Variants in GDPD2 observed in about 807,000 individuals in gnomAD.
GDPD2 encodes glycerophosphodiester phosphodiesterase domain containing 2, also known as glycerophosphodiester phosphodiesterase 3.
GDPD2 carries 23 observed loss-of-function variants against 49.2 expected under a neutral mutation model. That is an observed-to-expected ratio of 0.47 (90% confidence interval 0.34 to 0.66). GDPD2 has a LOEUF of 0.66. GDPD2 is among the 30% of genes least tolerant of loss of function. The pLI is 0.01. For missense variants in GDPD2, 338 were observed against 424.7 expected (o/e 0.80, Z 1.79); for synonymous variants, 167 against 171.4 (o/e 0.97, Z 0.20).
Position 70,425,354 on chromosome X carries a change from T to C in GDPD2, c.106T>C (p.Cys36Arg). ...GAGTTTCTCTCCTGCCCCTTTGCAG[T>C]GCGACTGTATCTGGTTTGGCCTGCT... The part of the protein sequence containing the change: ...CPRERMQTSK[C>R]DCIWFGLLFL... Residue 36 changes from cysteine to arginine, a missense_variant and splice_region_variant, in exon 3 of 16, where the codon TGC becomes CGC. By Grantham distance (180) the Cys-to-Arg change is radical. Transcript: ENST00000374382. The C allele has an allele frequency of 8.5e-7, 1 of 1,173,309 alleles. No homozygotes were observed. Among genetic ancestry groups the C allele is most frequent in the Non-Finnish European group, 1.2e-6 (1 of 860,145 alleles).
chrX:70,428,362 C>A (rs1602837776), intron 10 of GDPD2, among the ~76,000 whole-genome samples: 1 of 112,133 alleles, frequency 8.9e-6, no homozygotes, highest in East Asian at 2.8e-4. Flanking sequence ...ACACTTAAGG[C>A]AGGCTAGGTT....
intron 2 of GDPD2, 65 bp downstream of exon 2, chrX:70,425,154 GA>G: frequency 4.9e-6 from 4 of 810,139 alleles, no homozygotes; most frequent in Non-Finnish European, 7.3e-6. Context: ...AGGGGATAAG[GA>G]GGCCAATTGT....
In GDPD2 at chrX:70,426,072, G is replaced by A. The variant is rs1226565581; in HGVS notation, c.324G>A (p.Arg108=). Residue 108 remains arginine (R), a synonymous_variant, in exon 5 of 16, where the codon CGG becomes CGA. Transcript: ENST00000374382. The part of the protein sequence containing the change: ...SLLLVLALLL[R]LCRQPLHLHS... ...TCTAGGTCCTGGCCCTGCTCCTGCG[G>A]CTTTGTAGACAGCCCCTGCATCTGC... The A allele has an allele frequency of 8.3e-7, 1 of 1,209,453 alleles. No individual in the cohort carries two copies. The highest frequency in any genetic ancestry group is 1.7e-5 in the African/African-American group (1 of 57,820).
intron 12 of GDPD2, among the ~76,000 whole-genome samples, chrX:70,431,324 C>A (rs1374172932): frequency 8.9e-6 from 1 of 112,175 alleles, no homozygotes; most frequent in East Asian, 2.8e-4. Flanking sequence ...AAAGATAGGC[C>A]AAATCTAGCA....
chrX:70,430,341 G>A, intron 12 of GDPD2, among the ~76,000 whole-genome samples: 1 of 112,272 alleles, frequency 8.9e-6, no homozygotes, highest in Middle Eastern at 4.6e-3. Flanking sequence ...GTGTTATGAA[G>A]ACAAAACAGA....
chrX:70,432,340 AT>A lies in GDPD2; in HGVS notation c.1344del (p.Phe448LeufsTer2). 3 of 1,205,960 alleles carry A rather than the reference AT, an allele frequency of 2.5e-6. No homozygotes were observed. The highest frequency in any genetic ancestry group is 3.4e-6 in the Non-Finnish European group (3 of 891,170). ...ATAAGGATAATGTCTCGGTGAACCT[AT>A]TTGTAGTGAACAAGCCCTGGCTCTT... ...LHKDNVSVNLFVVNKPWLFSL... is the reference protein window; with the variant it reads ...LHKDNVSVNLXVVNKPWLFSL... On this transcript the variant is annotated frameshift_variant, in exon 13 of 16. Transcript: ENST00000374382. LOFTEE classifies it high-confidence loss of function.
chrX:70,431,712 C>T (rs1361702064), intron 12 of GDPD2, among the ~76,000 whole-genome samples: 2 of 111,815 alleles, frequency 1.8e-5, no homozygotes, highest in Admixed American at 9.4e-5. Context: ...AGCAAAACCC[C>T]GTCTCTATAA....
chrX:70,432,617 T>C lies in GDPD2; in HGVS notation c.1494T>C (p.Asn498=). Residue 498 remains asparagine (N), a synonymous_variant, in exon 14 of 16, where the codon AAT becomes AAC. Transcript: ENST00000374382. ...QTYLIIWVIT[N]CVSTMLLLWT... ...ACCTAATCATATGGGTCATTACCAA[T>C]TGTGTTTCCACCATGCTGCTTTTGT... The C allele has an allele frequency of 1.7e-6, 2 of 1,206,763 alleles. No homozygotes were observed. Among genetic ancestry groups the C allele is most frequent in the Non-Finnish European group, 2.2e-6 (2 of 891,043 alleles).
intron 12 of GDPD2, among the ~76,000 whole-genome samples, chrX:70,431,371 A>G (rs1014072493): frequency 4.4e-5 from 5 of 112,769 alleles, no homozygotes; most frequent in African/African-American, 1.3e-4. Flanking sequence ...AAAGACCTCT[A>G]TTTGGGGCCC....
intron 4 of GDPD2, 68 bp downstream of exon 4, chrX:70,425,924 T>C: frequency 1.1e-6 from 1 of 896,125 alleles, no homozygotes; most frequent in South Asian, 2.0e-5. Context: ...AGCTCCCTAT[T>C]CTCATCCTGG....
intron 12 of GDPD2, among the ~76,000 whole-genome samples, chrX:70,430,649 T>C (rs2086467584): frequency 8.9e-6 from 1 of 111,812 alleles, no homozygotes; most frequent in Admixed American, 9.5e-5. Flanking sequence ...AGATGTGAGC[T>C]GAGCCCCAGA....
At chrX:70,431,178 G>T in intron 12 of GDPD2, 5 of 990,623 alleles carry the variant, frequency 5.0e-6, no homozygotes, top group Non-Finnish European at 6.9e-6. Context: ...ATGACATAGG[G>T]TTTGGTTCTC....
chrX:70,432,200 C>CA (rs2086483613), intron 12 of GDPD2, 107 bp from the exon 13 acceptor site: 1 of 624,203 alleles, frequency 1.6e-6, no homozygotes, highest in Non-Finnish European at 2.5e-6. Context: ...AGAGCTGATA[C>CA]CTCCTTGGCA....
chrX:70,429,736 C>G, intron 11 of GDPD2, 22 bp downstream of exon 11: 1 of 1,120,004 alleles, frequency 8.9e-7, no homozygotes, highest in Non-Finnish European at 1.2e-6. Flanking sequence ...AGGACCCCCT[C>G]TCCCCACCCT....
chrX:70,433,373 T>G lies in GDPD2; in HGVS notation c.*287T>G, dbSNP rs1345306608. Reference sequence around the variant, plus strand: ...TAGAACAGAGGAAGTAAAAGGGAGATTGCTCGGATAATGTCTCAGACTTGT... The same window carrying G: ...TAGAACAGAGGAAGTAAAAGGGAGAGTGCTCGGATAATGTCTCAGACTTGT... On this transcript the variant is annotated 3_prime_UTR_variant, in exon 16 of 16. Transcript: ENST00000374382. 2 of 374,681 alleles carry G rather than the reference T, an allele frequency of 5.3e-6. No homozygotes were observed. The highest frequency in any genetic ancestry group is 9.2e-6 in the Non-Finnish European group (2 of 216,268). 30.9% of individuals were successfully genotyped at this position (374,681 alleles called of 1,213,427 possible). A position where few individuals can be genotyped will look rare whatever the true frequency, so the allele number is the denominator to read the frequency against.
chrX:70,424,857 C>T, intron 1 of GDPD2, 119 bp from the exon 2 acceptor site: 4 of 471,238 alleles, frequency 8.5e-6, no homozygotes, highest in South Asian at 3.6e-5. Context: ...CCGTGACCTC[C>T]GTTGCTGAGC....
In GDPD2 at chrX:70,432,632, G is replaced by A. The variant is rs2086488311; in HGVS notation, c.1509G>A (p.Met503Ile). The A allele has an allele frequency of 8.3e-7, 1 of 1,203,108 alleles. No homozygotes were observed. The highest frequency in any genetic ancestry group is 1.1e-6 in the Non-Finnish European group (1 of 889,378). ...IWVITNCVST[M>I]LLLWTFLLQR... ...TCATTACCAATTGTGTTTCCACCAT[G>A]CTGCTTTTGTGGACCTTCCTCCTCC... Residue 503 changes from methionine (M) to isoleucine (I), a missense_variant, in exon 14 of 16, where the codon ATG becomes ATA. Met to Ile is a conservative substitution (Grantham distance 10, BLOSUM62 1). This residue lies in a region of GDPD2 where 253 missense variants were observed against 330.4 expected (regional missense o/e 0.77). Coordinates refer to ENST00000374382, the MANE Select transcript of GDPD2 (RefSeq NM_017711.4).
chrX:70,425,692 A>AC, intron 3 of GDPD2, 71 bp from the exon 4 acceptor site: 3 of 550,223 alleles, frequency 5.5e-6, no homozygotes, highest in Admixed American at 2.4e-5. Context: ...GGATCCACCC[A>AC]CCCCACCTCC....
chrX:70,425,050 C>T lies in GDPD2; in HGVS notation c.66C>T (p.His22=), dbSNP rs1479191434. 8.3e-7 allele frequency: 1 copy of T among 1,199,966 alleles called. No homozygotes were observed. Among genetic ancestry groups the T allele is most frequent in the South Asian group, 1.8e-5 (1 of 55,109 alleles). Residue 22 remains histidine, a synonymous_variant, in exon 2 of 16, where the codon CAC becomes CAT. Coordinates refer to ENST00000374382, the MANE Select transcript of GDPD2 (RefSeq NM_017711.4). ...ARCLHCLYSC[H]WRKCPRERMQ... ...GCCTCCACTGCCTGTATAGCTGCCACTGGAGGAAATGCCCCAGAGAGAGGA... is the reference window on the plus strand; with the variant it reads ...GCCTCCACTGCCTGTATAGCTGCCATTGGAGGAAATGCCCCAGAGAGAGGA...
Sources: gnomAD v4.1 joint callset for allele counts (sites outside exome capture counted in the v4.1 genomes callset) on GRCh38, gnomAD v4.1.1 for gene constraint, gnomAD v4.1.1 regional missense constraint, MANE v1.5 for transcripts, NCBI Gene and HGNC (gene_info 2026-07-23, HGNC 2026-07-21) for gene names.